The following CENPH variants were observed in gnomAD, a reference collection of about 807,000 sequenced individuals.
CENPH encodes the protein CENP-H.
A neutral mutation model predicts 42.9 loss-of-function variants in CENPH; 40 were observed. The ratio of observed to expected loss-of-function variants is 0.93; its 90% CI spans 0.72 to 1.21. The LOEUF (loss-of-function observed/expected upper bound fraction) is 1.21. Ranked by LOEUF, CENPH falls within the 50% of genes most tolerant of loss-of-function variation. The pLI is 0.00. For missense variants in CENPH, 302 were observed against 292.9 expected, an observed-to-expected ratio of 1.03 and a Z score of -0.23; for synonymous variants, 88 against 96.5, an observed-to-expected ratio of 0.91 and a Z score of 0.52.
At chr5:69,205,392 A>G (rs563563884) in intron 7 of CENPH, among the ~76,000 whole-genome samples, 32 of 150,410 alleles carry the variant, frequency 2.1e-4, no homozygotes, top group African/African-American at 7.8e-4. Context: ...CGCCTGGCTA[A>G]TTTTTGTATT....
chr5:69,197,125 T>TC lies in CENPH; in HGVS notation c.371+17dup. 1 of 1,523,158 alleles carries TC rather than the reference T, an allele frequency of 6.6e-7. No homozygotes were observed. The highest frequency in any genetic ancestry group is 8.8e-7 in the Non-Finnish European group (1 of 1,134,092). 94.4% of individuals were successfully genotyped at this position (1,523,158 alleles called of 1,614,324 possible). A position where few individuals can be genotyped will look rare whatever the true frequency, so the allele number is the denominator to read the frequency against. ...GACAGTCTAGGTATGATTTTTTTTT[T>TC]CTCTGGATTCGGTAAGGATGGGATC... On this transcript the variant is annotated intron_variant, in intron 5 of 8. Transcript: ENST00000283006.
At chr5:69,197,798 A>T (rs1476484028) in intron 5 of CENPH, among the ~76,000 whole-genome samples, 2 of 151,426 alleles carry the variant, frequency 1.3e-5, no homozygotes, top group Non-Finnish European at 2.9e-5. Flanking sequence ...AACTTAAAGT[A>T]TAATAATAAT....
rs767327186 is a variant in CENPH, at chr5:69,197,011, T to C, written c.315-42T>C. On this transcript the variant is annotated intron_variant, in intron 4 of 8. Transcript: ENST00000283006. Reference sequence around the variant, plus strand: ...TTGAATTTTTTTAATGTACCACAAATGTTATCCATGTTTTATAATGCAAGC... The same window carrying C: ...TTGAATTTTTTTAATGTACCACAAACGTTATCCATGTTTTATAATGCAAGC... The C allele has an allele frequency of 1.7e-5, 23 of 1,324,492 alleles. No homozygotes were observed. In the Admixed American group the frequency reaches 5.8e-4, roughly 33 times the overall value. 82.0% of individuals were successfully genotyped at this position (1,324,492 alleles called of 1,614,324 possible).
intron 2 of CENPH, among the ~76,000 whole-genome samples, chr5:69,193,885 C>G (rs910925320): frequency 2.6e-5 from 4 of 152,026 alleles, no homozygotes; most frequent in African/African-American, 9.7e-5. Flanking sequence ...CTCCTGACCT[C>G]AGGTGATCCA....
chr5:69,202,314 C>G (rs1254595648), intron 5 of CENPH, among the ~76,000 whole-genome samples, 192 bp from the exon 6 acceptor site: 1 of 152,098 alleles, frequency 6.6e-6, no homozygotes, highest in African/African-American at 2.4e-5. Flanking sequence ...AAATGCATAT[C>G]TAGTTTTAAC....
At chr5:69,199,242 G>A (rs1219538887) in intron 5 of CENPH, among the ~76,000 whole-genome samples, 2 of 152,150 alleles carry the variant, frequency 1.3e-5, no homozygotes, top group Non-Finnish European at 2.9e-5. Flanking sequence ...GCAGTGGCGT[G>A]ATCCTAGCTC....
intron 5 of CENPH, among the ~76,000 whole-genome samples, chr5:69,199,400 G>C (rs1748021058): frequency 6.6e-6 from 1 of 152,108 alleles, no homozygotes; most frequent in Admixed American, 6.6e-5. Context: ...GTCGCGAACT[G>C]CTGAGCTCAA....
In CENPH at chr5:69,209,992, GT is replaced by G. The variant is rs1748220886; in HGVS notation, c.*196del. The stretch of plus-strand genomic sequence containing the variant: ...TTTTCTTTTTATATTTCTATATTTA[GT>G]TTGTTTTTTTGTTGTTGTTGTTTTT... On this transcript the variant is annotated 3_prime_UTR_variant, in exon 9 of 9. Transcript: ENST00000283006. 3 of 384,978 alleles carry G rather than the reference GT, an allele frequency of 7.8e-6. No homozygotes were observed. The highest frequency in any genetic ancestry group is 9.4e-5 in the Admixed American group (2 of 21,338). 23.8% of individuals were successfully genotyped at this position (384,978 alleles called of 1,614,324 possible). A position where few individuals can be genotyped will look rare whatever the true frequency, so the allele number is the denominator to read the frequency against.
chr5:69,208,383 G>C (rs1258823990), intron 8 of CENPH, 24 bp downstream of exon 8: 1 of 1,498,638 alleles, frequency 6.7e-7, no homozygotes, highest in Non-Finnish European at 9.2e-7. Flanking sequence ...AAACTAGCAA[G>C]AGTTTTAATC....
chr5:69,194,171 T>G (rs2112082645), intron 2 of CENPH, among the ~76,000 whole-genome samples: 1 of 152,144 alleles, frequency 6.6e-6, no homozygotes, highest in South Asian at 2.1e-4. Flanking sequence ...GTTGATGTTT[T>G]TTTTTTTGAG....
At chr5:69,195,215 G>A (rs1158257224) in intron 3 of CENPH, among the ~76,000 whole-genome samples, 4 of 152,032 alleles carry the variant, frequency 2.6e-5, no homozygotes, top group Non-Finnish European at 5.9e-5. Flanking sequence ...GGCAATGAGC[G>A]AAACTCCGCC....
At chr5:69,208,094 CTT>C in intron 7 of CENPH, 100 bp from the exon 8 acceptor site, 2 of 575,248 alleles carry the variant, frequency 3.5e-6, no homozygotes, top group South Asian at 8.1e-5. Context: ...AAATTTTTCT[CTT>C]GACTAAAATA....
chr5:69,198,478 C>T (rs1160130201), intron 5 of CENPH, among the ~76,000 whole-genome samples: 3 of 152,000 alleles, frequency 2.0e-5, no homozygotes, highest in East Asian at 1.9e-4. Flanking sequence ...TTAGTAGAGA[C>T]GGGGTTTCAC....
intron 3 of CENPH, 139 bp from the exon 4 acceptor site, chr5:69,195,578 C>T: frequency 3.4e-6 from 2 of 593,490 alleles, no homozygotes; most frequent in South Asian, 4.0e-5. Flanking sequence ...TGTAAATACA[C>T]ATTGGTATAT....
At chr5:69,202,436 T>TAATGAAGGAATC in intron 5 of CENPH, 70 bp from the exon 6 acceptor site, 1 of 859,226 alleles carries the variant, frequency 1.2e-6, no homozygotes. Context: ...ATTCCTTCAT[T>TAATGAAGGAATC]AATGACAGCT....
At chr5:69,203,044 C>A in intron 7 of CENPH, 74 bp downstream of exon 7, 1 of 993,950 alleles carries the variant, frequency 1.0e-6, no homozygotes, top group Non-Finnish European at 1.5e-6. Flanking sequence ...GATCTCTTAG[C>A]CACTGAGAAA....
intron 8 of CENPH, among the ~76,000 whole-genome samples, chr5:69,209,314 A>C (rs1748210256): frequency 1.3e-5 from 2 of 151,740 alleles, no homozygotes; most frequent in East Asian, 3.9e-4. Flanking sequence ...TGAGGTCAGG[A>C]GTTTGAGGCC....
rs1457416850 is a variant in CENPH at position 69,195,192 on chromosome 5, G to A, written c.239+497G>A. Among the ~76,000 whole-genome samples the A allele has an allele frequency of 7.5e-4, 114 of 152,230 alleles. 1 individual carries two copies. Among genetic ancestry groups the A allele is most frequent in the Non-Finnish European group, 2.9e-4 (20 of 68,022 alleles). ...TGCGGTGAGCCAAGATTGCGCCATT[G>A]CACTCCAACCTGGGCAATGAGCGAA... On this transcript the variant is annotated intron_variant, in intron 3 of 8. Coordinates refer to ENST00000283006, the MANE Select transcript of CENPH (RefSeq NM_022909.4).
chr5:69,206,188 GT>G (rs869288321), intron 7 of CENPH, among the ~76,000 whole-genome samples: 1,593 of 142,128 alleles, frequency 0.011, 14 homozygotes, highest in Non-Finnish European at 0.019. Flanking sequence ...TGTTGGTTGG[GT>G]TTTTTTTTTT....
Sources: allele counts gnomAD v4.1 joint callset (sites outside exome capture counted in the v4.1 genomes callset), GRCh38; gene constraint gnomAD v4.1.1; transcripts MANE v1.5; gene names NCBI Gene and HGNC (gene_info 2026-07-23, HGNC 2026-07-21).